SLC2A13: variants seen among roughly 807,000 people sequenced by gnomAD.
SLC2A13 encodes the protein proton myo-inositol cotransporter.
SLC2A13 carries 32 observed loss-of-function variants against 64.4 expected under a neutral mutation model. The observed-to-expected ratio is 0.50, with a 90% CI of 0.37 to 0.67. The LOEUF is 0.67. Ranked by LOEUF, SLC2A13 falls within the 30% of genes least tolerant of loss-of-function variation. The pLI is 0.00. For missense variants in SLC2A13, 743 were observed against 829.2 expected (o/e 0.90, Z 1.28); for synonymous variants, 338 against 327.1 (o/e 1.03, Z -0.36).
intron 1 of SLC2A13, among the ~76,000 whole-genome samples, chr12:40,065,501 C>T (rs920795147): frequency 6.6e-6 from 1 of 152,080 alleles, no homozygotes; most frequent in Admixed American, 6.5e-5. Flanking sequence ...AAGAGGATCA[C>T]TTGAGCCCAG....
chr12:39,799,435 T>C (rs1192054367), intron 7 of SLC2A13, among the ~76,000 whole-genome samples: 1 of 111,230 alleles, frequency 9.0e-6, no homozygotes, highest in Non-Finnish European at 2.0e-5. Flanking sequence ...TCTCAACCAT[T>C]AGGATCCTCT....
intron 3 of SLC2A13, among the ~76,000 whole-genome samples, chr12:40,011,834 C>G (rs1237060228): frequency 6.6e-6 from 1 of 152,242 alleles, no homozygotes; most frequent in East Asian, 1.9e-4. Flanking sequence ...ATGTGAGTCC[C>G]GTGCTCAAAA....
chr12:39,804,463 A>G (rs989456961), intron 7 of SLC2A13, among the ~76,000 whole-genome samples: 1 of 152,228 alleles, frequency 6.6e-6, no homozygotes, highest in African/African-American at 2.4e-5. Flanking sequence ...TGCTAGATTA[A>G]TAATAATAAC....
intron 7 of SLC2A13, among the ~76,000 whole-genome samples, chr12:39,811,001 G>C (rs1281461701): frequency 2.0e-5 from 3 of 151,990 alleles, no homozygotes; most frequent in African/African-American, 7.2e-5. Context: ...TATAGGATTG[G>C]CATTATTTCT....
intron 2 of SLC2A13, among the ~76,000 whole-genome samples, chr12:40,029,346 T>G (rs564817667): frequency 3.2e-4 from 48 of 152,298 alleles, no homozygotes; most frequent in African/African-American, 1.1e-3. Context: ...TAGATAAAAT[T>G]TAAGCTGTCT....
chr12:39,880,768 C>A (rs767122191), intron 4 of SLC2A13, among the ~76,000 whole-genome samples: 1 of 152,200 alleles, frequency 6.6e-6, no homozygotes, highest in African/African-American at 2.4e-5. Flanking sequence ...TGGCTTCATA[C>A]CTCTGGCGGC....
At chr12:40,012,652 C>T (rs1309597982) in intron 3 of SLC2A13, among the ~76,000 whole-genome samples, 1 of 152,242 alleles carries the variant, frequency 6.6e-6, no homozygotes, top group Non-Finnish European at 1.5e-5. Flanking sequence ...CTACCTTTTA[C>T]TGCTCTGCCT....
intron 3 of SLC2A13, among the ~76,000 whole-genome samples, chr12:40,022,101 T>G (rs1565593655): frequency 6.6e-6 from 1 of 152,022 alleles, no homozygotes; most frequent in African/African-American, 2.4e-5. Context: ...CCCAAGGAAC[T>G]GGAGGTAAAT....
intron 2 of SLC2A13, among the ~76,000 whole-genome samples, chr12:40,045,490 C>T (rs1301112086): frequency 6.6e-6 from 1 of 150,408 alleles, no homozygotes; most frequent in Non-Finnish European, 1.5e-5. Context: ...CTTATAACCA[C>T]ATTCCTATTA....
chr12:40,071,701 G>A (rs1218208626), intron 1 of SLC2A13, among the ~76,000 whole-genome samples: 1 of 152,044 alleles, frequency 6.6e-6, no homozygotes, highest in Non-Finnish European at 1.5e-5. Flanking sequence ...TTTCATCTAG[G>A]TTATCAAACT....
At chr12:40,039,950 C>T (rs1254280835) in intron 2 of SLC2A13, among the ~76,000 whole-genome samples, 2 of 152,228 alleles carry the variant, frequency 1.3e-5, no homozygotes, top group Non-Finnish European at 2.9e-5. Context: ...TCCTAAATAT[C>T]TTCCATGCTC....
intron 3 of SLC2A13, among the ~76,000 whole-genome samples, chr12:40,013,769 C>T (rs550457085): frequency 6.6e-6 from 1 of 152,190 alleles, no homozygotes. Context: ...TGCGGCCCTA[C>T]GCAGGCACTG....
intron 5 of SLC2A13, 60 bp from the exon 6 acceptor site, chr12:39,864,942 G>A: frequency 6.8e-7 from 1 of 1,477,176 alleles, no homozygotes; most frequent in African/African-American, 1.4e-5. Context: ...AAGGCAGACT[G>A]GGTTTGGTAA....
intron 7 of SLC2A13, among the ~76,000 whole-genome samples, chr12:39,787,694 A>G (rs73102575): frequency 0.015 from 2,285 of 152,286 alleles, 58 homozygotes; most frequent in African/African-American, 0.05. Context: ...AAATTTTAGC[A>G]TGCAAATGAA....
At chr12:40,040,375 T>C (rs547638253) in intron 2 of SLC2A13, among the ~76,000 whole-genome samples, 1 of 152,338 alleles carries the variant, frequency 6.6e-6, no homozygotes, top group East Asian at 1.9e-4. Flanking sequence ...TATTTATATC[T>C]TCAGCACTAA....
At chr12:39,840,926 C>T (rs564329981) in intron 6 of SLC2A13, among the ~76,000 whole-genome samples, 1 of 152,030 alleles carries the variant, frequency 6.6e-6, no homozygotes, top group Non-Finnish European at 1.5e-5. Context: ...TGGTAGTTCC[C>T]TTTCTCTGTA....
intron 6 of SLC2A13, among the ~76,000 whole-genome samples, chr12:39,841,350 T>C (rs147791832): frequency 7.9e-5 from 12 of 152,204 alleles, no homozygotes; most frequent in African/African-American, 2.9e-4. Flanking sequence ...AATTATTGGG[T>C]TGGTTCTTGC....
chr12:39,908,958 A>G (rs770628293), intron 4 of SLC2A13, among the ~76,000 whole-genome samples: 2 of 151,988 alleles, frequency 1.3e-5, no homozygotes, highest in Non-Finnish European at 2.9e-5. Context: ...GATGGGCTAT[A>G]TCAGGATTTA....
chr12:40,045,534 A>C (rs1158063186), intron 2 of SLC2A13, among the ~76,000 whole-genome samples: 1 of 150,090 alleles, frequency 6.7e-6, no homozygotes, highest in Non-Finnish European at 1.5e-5. Context: ...TATACTGATA[A>C]GGATACTAGA....
Sources: gnomAD v4.1 joint callset for allele counts (sites outside exome capture counted in the v4.1 genomes callset) on GRCh38, gnomAD v4.1.1 for gene constraint, MANE v1.5 for transcripts, NCBI Gene and HGNC (gene_info 2026-07-23, HGNC 2026-07-21) for gene names.